The following SDK1 variants were observed in gnomAD, a reference collection of about 807,000 sequenced individuals.
SDK1 encodes the protein sidekick cell adhesion molecule 1.
Under a neutral mutation model 245.5 loss-of-function variants are expected in SDK1, and 157 were observed. That is an observed-to-expected ratio of 0.64 (90% confidence interval 0.56 to 0.73). SDK1 has a LOEUF of 0.73. SDK1 is among the 30% of genes least tolerant of loss of function. The pLI, the probability that SDK1 is intolerant of heterozygous loss-of-function variation, is 0.00. For synonymous variants in SDK1, 1,647 were observed against 1,278.5 expected, an observed-to-expected ratio of 1.29 and a Z score of -6.15; for missense variants, 3,583 against 3,002.3, an observed-to-expected ratio of 1.19 and a Z score of -4.52.
chr7:3,417,872 T>A (rs1779417361), intron 1 of SDK1, among the ~76,000 whole-genome samples: 4 of 152,134 alleles, frequency 2.6e-5, no homozygotes, highest in Admixed American at 2.6e-4. Flanking sequence ...ATTGGATGTT[T>A]TACAAAGAAT....
chr7:3,340,847 A>C (rs886798585), intron 1 of SDK1, among the ~76,000 whole-genome samples: 1 of 152,158 alleles, frequency 6.6e-6, no homozygotes, highest in African/African-American at 2.4e-5. Flanking sequence ...GCCATTAAAG[A>C]AATTGAATTC....
chr7:4,026,955 T>C lies in SDK1; in HGVS notation c.2602+9603T>C, dbSNP rs1360666705. On this transcript the variant is annotated intron_variant, in intron 17 of 44. Transcript: ENST00000404826. This position sits in a 1 kb window ranked among gnomAD's most constrained non-coding sequence, Gnocchi z 4.1. Reference sequence around the variant, plus strand: ...GGTAACCTGGAGAAATGGACACCTGTGAATCCCTGCTGTGTTCTGGATAGA... The same window carrying C: ...GGTAACCTGGAGAAATGGACACCTGCGAATCCCTGCTGTGTTCTGGATAGA... Among the ~76,000 whole-genome samples the C allele has an allele frequency of 6.6e-6, 1 of 152,212 alleles. No individual in the cohort carries two copies. The highest frequency in any genetic ancestry group is 2.1e-4 in the South Asian group (1 of 4,834).
intron 35 of SDK1, among the ~76,000 whole-genome samples, chr7:4,194,016 A>G (rs1447261471): frequency 1.3e-5 from 2 of 152,168 alleles, no homozygotes; most frequent in African/African-American, 4.8e-5. Flanking sequence ...AGCATTCTCC[A>G]TACTACTAGA....
In SDK1 at chr7:4,144,451, ATGACGGTGCTGATGGTGAGCG is replaced by A. The variant is rs1562879709; in HGVS notation, c.4229-1270_4229-1250del. 5.2e-4 allele frequency among the ~76,000 whole-genome samples: 21 copies of A among 40,210 alleles called. No individual in the cohort carries two copies. The East Asian group carries it at 0.063, about 121-fold the overall frequency. The allele number at this position is 40,210 out of a possible 152,430, so 26.4% of individuals were successfully genotyped here. ...GTGTGTCCCTGTCTGTGTGGCGGTG[ATGACGGTGCTGATGGTGAGCG>A]GTGATGCCTGGGGCCTGATGTGAGG... is the stretch of plus-strand genomic sequence containing the variant. On this transcript the variant is annotated intron_variant, in intron 28 of 44. Transcript: ENST00000404826.
intron 1 of SDK1, among the ~76,000 whole-genome samples, chr7:3,353,449 A>G (rs1280610254): frequency 5.3e-5 from 8 of 152,234 alleles, no homozygotes; most frequent in African/African-American, 1.9e-4. Flanking sequence ...AAAAAAATTC[A>G]AATGAGCTGA....
At chr7:4,102,432 A>G (rs936565375) in intron 22 of SDK1, among the ~76,000 whole-genome samples, 3 of 152,124 alleles carry the variant, frequency 2.0e-5, no homozygotes, top group African/African-American at 4.8e-5. Flanking sequence ...GCAGCTTTCC[A>G]TGGAAGGGGT....
intron 5 of SDK1, among the ~76,000 whole-genome samples, chr7:3,913,008 C>A (rs1451921229): frequency 6.6e-6 from 1 of 152,238 alleles, no homozygotes; most frequent in Non-Finnish European, 1.5e-5. Flanking sequence ...TTTCTCTTCT[C>A]TTCATCTTCC....
intron 5 of SDK1, among the ~76,000 whole-genome samples, chr7:3,880,467 C>T (rs1026287572): frequency 6.6e-6 from 1 of 151,312 alleles, no homozygotes; most frequent in African/African-American, 2.4e-5. Flanking sequence ...ACCAGCGCCT[C>T]TCTGGAGGGC....
At chr7:4,151,460 G>T (rs1343483724) in intron 30 of SDK1, among the ~76,000 whole-genome samples, 5 of 152,206 alleles carry the variant, frequency 3.3e-5, no homozygotes, top group Non-Finnish European at 5.9e-5. Flanking sequence ...CTGGCGGGTT[G>T]GAATTTAGAA....
At chr7:3,352,828 A>G (rs1780695945) in intron 1 of SDK1, among the ~76,000 whole-genome samples, 1 of 151,858 alleles carries the variant, frequency 6.6e-6, no homozygotes, top group South Asian at 2.1e-4. Context: ...AGGTATTCAC[A>G]GTGTCTGGGG....
At chr7:3,943,930 A>C (rs1317537078) in intron 5 of SDK1, among the ~76,000 whole-genome samples, 1 of 152,140 alleles carries the variant, frequency 6.6e-6, no homozygotes, top group Non-Finnish European at 1.5e-5. Context: ...CTGCCTCTGA[A>C]GCTACCTGGC....
At chr7:4,057,755 A>AC (rs1263463501) in intron 19 of SDK1, among the ~76,000 whole-genome samples, 1 of 152,080 alleles carries the variant, frequency 6.6e-6, no homozygotes. Flanking sequence ...TCTACTAACA[A>AC]CCACACCCTA....
intron 4 of SDK1, among the ~76,000 whole-genome samples, chr7:3,791,201 T>C (rs1781073453): frequency 6.6e-6 from 1 of 151,232 alleles, no homozygotes; most frequent in South Asian, 2.1e-4. Flanking sequence ...AGGGCTGAGA[T>C]GGCAGACAAA....
chr7:3,329,436 T>G (rs1251716483), intron 1 of SDK1, among the ~76,000 whole-genome samples: 1 of 152,200 alleles, frequency 6.6e-6, no homozygotes, highest in Non-Finnish European at 1.5e-5. Context: ...TTTAGGATAT[T>G]TAGAGTTCAG....
At chr7:3,620,285 G>A (rs182521808) in intron 2 of SDK1, among the ~76,000 whole-genome samples, 389 of 144,964 alleles carry the variant, frequency 2.7e-3, no homozygotes, top group African/African-American at 9.7e-3. Flanking sequence ...AAAAAAATAT[G>A]AGAATGCTTA....
chr7:3,431,358 GT>G (rs34510123), intron 1 of SDK1, among the ~76,000 whole-genome samples: 2,653 of 118,352 alleles, frequency 0.022, 50 homozygotes, highest in African/African-American at 0.048. Context: ...AATGTGGGAG[GT>G]TTTTTTTTTT....
chr7:4,049,174 C>G (rs1789249284), intron 17 of SDK1, among the ~76,000 whole-genome samples, 174 bp from the exon 18 acceptor site: 2 of 152,216 alleles, frequency 1.3e-5, no homozygotes, highest in African/African-American at 4.8e-5. Context: ...TAGCCCAATT[C>G]TCTTTCTTGG....
At chr7:3,672,791 AT>A (rs869261752) in intron 4 of SDK1, among the ~76,000 whole-genome samples, 12,844 of 96,112 alleles carry the variant, frequency 0.13, 1,185 homozygotes, top group Non-Finnish European at 0.2. Flanking sequence ...ATATATATAT[AT>A]ATAAAAAATA....
chr7:3,775,219 T>A (rs192370646), intron 4 of SDK1, among the ~76,000 whole-genome samples: 2 of 152,334 alleles, frequency 1.3e-5, no homozygotes, highest in East Asian at 3.9e-4. Context: ...GGTGTTTGGT[T>A]TTTGAGCTCC....
Sources: gnomAD v4.1 joint callset for allele counts (sites outside exome capture counted in the v4.1 genomes callset) on GRCh38, gnomAD v4.1.1 for gene constraint, Gnocchi (gnomAD v3.1) non-coding constraint, MANE v1.5 for transcripts, NCBI Gene and HGNC (gene_info 2026-07-23, HGNC 2026-07-21) for gene names.